The following PCDHA8 variants were observed in gnomAD, a reference collection of about 807,000 sequenced individuals.
The protein encoded by PCDHA8 is protocadherin alpha-8.
PCDHA8 carries 53 observed loss-of-function variants against 61.8 expected under a neutral mutation model. That is an observed-to-expected ratio of 0.86 (90% CI 0.69 to 1.08). The LOEUF is 1.08. Ranked by LOEUF, PCDHA8 falls within the 50% of genes least tolerant of loss-of-function variation. The pLI is 0.00. For missense variants in PCDHA8, 1,293 were observed against 1,245.0 expected (o/e 1.04, Z -0.58); for synonymous variants, 618 against 556.6 (o/e 1.11, Z -1.55).
intron 3 of PCDHA8, among the ~76,000 whole-genome samples, chr5:140,991,325 G>C (rs899183687): frequency 3.3e-5 from 5 of 152,184 alleles, no homozygotes; most frequent in Non-Finnish European, 5.9e-5. Flanking sequence ...GATACATGAA[G>C]GGAATAGCTT....
rs554073823 is a variant in PCDHA8 at position 140,945,407 on chromosome 5, T to C, written c.2395-33542T>C. Among the ~76,000 whole-genome samples, 498 of 152,246 alleles carry C rather than the reference T, an allele frequency of 3.3e-3. 2 individuals carry two copies. Among genetic ancestry groups the C allele is most frequent in the African/African-American group, 0.011 (476 of 41,568 alleles). ...CAATATACAAATTCAATACAATTCG[T>C]ATCAAAATTTCAATGAAGTTTTTAC... On this transcript the variant is annotated intron_variant, in intron 1 of 3. Coordinates refer to ENST00000531613, the MANE Select transcript of PCDHA8 (RefSeq NM_018911.3).
chr5:140,842,157 A>C lies in PCDHA8; in HGVS notation c.836A>C (p.Tyr279Ser). ...GAAGGAGCCAATGGGGCAATTTCATATTCTTTTAATAGCCTTGTTGAAACT... is the reference window on the plus strand; with the variant it reads ...GAAGGAGCCAATGGGGCAATTTCATCTTCTTTTAATAGCCTTGTTGAAACT... The part of the protein sequence containing the change: ...PDEGANGAIS[Y>S]SFNSLVETMV... The change falls in exon 1 of 4, where the codon TAT becomes TCT. Residue 279 changes from tyrosine (Y) to serine (S), a missense_variant. Tyr to Ser is a moderately radical substitution (Grantham distance 144). Coordinates refer to ENST00000531613, the MANE Select transcript of PCDHA8 (RefSeq NM_018911.3). 6.2e-7 allele frequency: 1 copy of C among 1,613,874 alleles called. No individual in the cohort carries two copies. Among genetic ancestry groups the C allele is most frequent in the Non-Finnish European group, 8.5e-7 (1 of 1,179,842 alleles).
At chr5:140,982,417 GA>G (rs1554244117) in intron 2 of PCDHA8, 57 bp from the exon 3 acceptor site, 1 of 1,610,428 alleles carries the variant, frequency 6.2e-7, no homozygotes, top group African/African-American at 1.3e-5. Flanking sequence ...GAGGGTGGAA[GA>G]AGAGATGGGA....
At chr5:140,958,597 G>A (rs551005076) in intron 1 of PCDHA8, among the ~76,000 whole-genome samples, 60 of 152,170 alleles carry the variant, frequency 3.9e-4, no homozygotes, top group African/African-American at 1.4e-3. Context: ...ATGATAATTG[G>A]ATCAAAGGAA....
intron 1 of PCDHA8, chr5:140,884,459 G>A (rs530412188): frequency 8.1e-6 from 13 of 1,613,636 alleles, no homozygotes; most frequent in Non-Finnish European, 1.0e-5. Flanking sequence ...CACCGAGGGC[G>A]CGTGCGCGCC....
chr5:140,998,629 A>G (rs989469969), intron 3 of PCDHA8, among the ~76,000 whole-genome samples: 3 of 152,064 alleles, frequency 2.0e-5, no homozygotes, highest in African/African-American at 7.2e-5. Context: ...CAATGGCACA[A>G]TCTCAGCTCA....
intron 1 of PCDHA8, chr5:140,883,833 C>G: frequency 6.2e-7 from 1 of 1,612,590 alleles, no homozygotes; most frequent in Non-Finnish European, 8.5e-7. Flanking sequence ...GCGCTGCAGC[C>G]GTTGGACCAC....
intron 1 of PCDHA8, chr5:140,859,885 A>G (rs2046070858): frequency 1.3e-5 from 2 of 151,844 alleles, no homozygotes; most frequent in South Asian, 4.2e-4. Context: ...TGATATTTTG[A>G]AAAAAAATCT....
chr5:140,925,917 A>T (rs1480980894), intron 1 of PCDHA8, among the ~76,000 whole-genome samples: 1 of 151,098 alleles, frequency 6.6e-6, no homozygotes, highest in African/African-American at 2.5e-5. Context: ...CCGTTTGCAA[A>T]GCACTCCCAA....
At chr5:140,883,507 G>A (rs782325165) in intron 1 of PCDHA8, 2 of 1,614,200 alleles carry the variant, frequency 1.2e-6, no homozygotes, top group Admixed American at 1.7e-5. Context: ...ACAGCGCCCT[G>A]GACCGCGAGA....
intron 1 of PCDHA8, chr5:140,869,798 T>G: frequency 6.2e-7 from 1 of 1,612,730 alleles, no homozygotes; most frequent in Non-Finnish European, 8.5e-7. Context: ...TTAGTCCAAG[T>G]CTTGGATGTC....
At position 141,010,692 on chromosome 5, in the gene PCDHA8, G is replaced by A. The variant is rs1415098319; in HGVS notation, c.*755G>A. The A allele has an allele frequency of 1.9e-5, 3 of 159,998 alleles. No homozygotes were observed. The highest frequency in any genetic ancestry group is 7.2e-5 in the African/African-American group (3 of 41,584). 9.9% of individuals were successfully genotyped at this position (159,998 alleles called of 1,614,324 possible). On this transcript the variant is annotated 3_prime_UTR_variant, in exon 4 of 4. Coordinates refer to ENST00000531613, the MANE Select transcript of PCDHA8 (RefSeq NM_018911.3). ...TGGGAAACAGAAGCAGATCTGATGT[G>A]TTTCCTATACATGTCCTGTGCTCAC...
chr5:140,850,917 T>C, intron 1 of PCDHA8: 1 of 1,530,140 alleles, frequency 6.5e-7, no homozygotes. Flanking sequence ...TTTATTTATT[T>C]ATATAATTTT....
At chr5:140,900,920 T>C (rs539511607) in intron 1 of PCDHA8, among the ~76,000 whole-genome samples, 1 of 152,322 alleles carries the variant, frequency 6.6e-6, no homozygotes, top group South Asian at 2.1e-4. Context: ...TAAGATGATA[T>C]CTCATTGTAG....
intron 3 of PCDHA8, among the ~76,000 whole-genome samples, chr5:141,000,842 G>A (rs2097967739): frequency 1.3e-5 from 2 of 151,954 alleles, no homozygotes; most frequent in Non-Finnish European, 2.9e-5. Flanking sequence ...AGGAGATCCA[G>A]TCTGGCAGTC....
At chr5:140,982,211 A>G (rs1554243869) in intron 2 of PCDHA8, 1 of 476,036 alleles carries the variant, frequency 2.1e-6, no homozygotes, top group African/African-American at 2.0e-5. Flanking sequence ...AGTGAGCGCC[A>G]CATGGCGTTA....
chr5:140,862,472 T>C (rs577275887), intron 1 of PCDHA8: 357 of 374,932 alleles, frequency 9.5e-4, no homozygotes, highest in Non-Finnish European at 1.4e-3. Context: ...AGAGCAAATC[T>C]ATCCATTGTT....
intron 2 of PCDHA8, 157 bp from the exon 3 acceptor site, chr5:140,982,318 G>C (rs2096977750): frequency 6.6e-6 from 9 of 1,356,910 alleles, no homozygotes; most frequent in Non-Finnish European, 8.8e-6. Flanking sequence ...AGTTTATGCA[G>C]GGTGACTGCT....
chr5:140,848,883 C>G, intron 1 of PCDHA8: 1 of 1,591,194 alleles, frequency 6.3e-7, no homozygotes, highest in Non-Finnish European at 8.6e-7. Context: ...TAACGACAAC[C>G]CTCCAGTGTT....
Sources: gnomAD v4.1 joint callset for allele counts (sites outside exome capture counted in the v4.1 genomes callset) on GRCh38, gnomAD v4.1.1 for gene constraint, MANE v1.5 for transcripts, NCBI Gene and HGNC (gene_info 2026-07-23, HGNC 2026-07-21) for gene names.